GRM5: variants seen among roughly 807,000 people sequenced by gnomAD.
GRM5 encodes metabotropic glutamate receptor 5.
Under a neutral mutation model 83.1 loss-of-function variants are expected in GRM5, and 19 were observed. The observed-to-expected ratio is 0.23, with a 90% CI of 0.16 to 0.34. The LOEUF is 0.34. Ranked by LOEUF, GRM5 falls within the 10% of genes least tolerant of loss-of-function variation. The pLI, the probability that GRM5 is intolerant of heterozygous loss-of-function variation, is 1.00. For missense variants in GRM5, 1,160 were observed against 1,588.3 expected, an observed-to-expected ratio of 0.73 and a Z score of 4.58; for synonymous variants, 675 against 633.6, an observed-to-expected ratio of 1.07 and a Z score of -0.98.
intron 2 of GRM5, among the ~76,000 whole-genome samples, chr11:88,890,271 C>G (rs1349723728): frequency 6.6e-6 from 1 of 152,100 alleles, no homozygotes; most frequent in Admixed American, 6.6e-5. Flanking sequence ...GACCAAAAAT[C>G]TAGTATAAAA....
intron 7 of GRM5, among the ~76,000 whole-genome samples, chr11:88,568,265 T>C (rs182828235): frequency 1.3e-5 from 2 of 152,064 alleles, no homozygotes; most frequent in African/African-American, 4.8e-5. Context: ...TAAAAAAAAA[T>C]CAGTGGCCTT....
At chr11:89,009,033 A>C in intron 2 of GRM5, 1 of 733,896 alleles carries the variant, frequency 1.4e-6, no homozygotes, top group Non-Finnish European at 2.5e-6. Context: ...TGTTTTACAC[A>C]CCTCATAAAA....
chr11:88,997,111 G>T (rs1381582000), intron 2 of GRM5, among the ~76,000 whole-genome samples: 1 of 151,848 alleles, frequency 6.6e-6, no homozygotes, highest in African/African-American at 2.4e-5. Context: ...GATCACCTGA[G>T]GTCAGGAGTT....
intron 8 of GRM5, among the ~76,000 whole-genome samples, chr11:88,540,127 C>A (rs1207670083): frequency 6.6e-6 from 1 of 152,120 alleles, no homozygotes; most frequent in African/African-American, 2.4e-5. Flanking sequence ...CAAAACTAGC[C>A]TCCCCCTTCT....
intron 4 of GRM5, among the ~76,000 whole-genome samples, chr11:88,636,186 C>T (rs1939113849): frequency 6.6e-6 from 1 of 152,136 alleles, no homozygotes; most frequent in Non-Finnish European, 1.5e-5. Flanking sequence ...AACCTCCTTT[C>T]CTGACCACAG....
intron 2 of GRM5, among the ~76,000 whole-genome samples, chr11:89,022,942 G>C (rs990323451): frequency 2.0e-5 from 3 of 152,140 alleles, no homozygotes; most frequent in Non-Finnish European, 4.4e-5. Context: ...TGTTTAAAAT[G>C]TCTCATCCCC....
rs571280922 is a variant in GRM5, at chr11:88,574,509, C to T, written c.1691-6517G>A. Among the ~76,000 whole-genome samples the T allele has an allele frequency of 2.0e-5, 3 of 152,248 alleles. No individual in the cohort carries two copies. In the East Asian group the frequency reaches 5.8e-4, roughly 29 times the overall value. ...CGTGGGCAGGTGCAGTGGCTCATGCCTGTAATCCCAGCACTTTGGGAGGCC... is the reference window on the plus strand; with the variant it reads ...CGTGGGCAGGTGCAGTGGCTCATGCTTGTAATCCCAGCACTTTGGGAGGCC... On this transcript the variant is annotated intron_variant, in intron 7 of 9. Coordinates refer to ENST00000305447, the MANE Select transcript of GRM5 (RefSeq NM_001143831.3).
chr11:88,525,659 A>G (rs1211703890), intron 8 of GRM5, among the ~76,000 whole-genome samples: 1 of 152,228 alleles, frequency 6.6e-6, no homozygotes, highest in African/African-American at 2.4e-5. Flanking sequence ...ATTAAACTGA[A>G]TATGTCACAT....
At position 88,567,092 on chromosome 11, in the gene GRM5, T is replaced by C. The variant is rs1392431197; in HGVS notation, c.2591A>G (p.Asn864Ser). 1 of 1,613,672 alleles carries C rather than the reference T, an allele frequency of 6.2e-7. No homozygotes were observed. Among genetic ancestry groups the C allele is most frequent in the Non-Finnish European group, 8.5e-7 (1 of 1,179,806 alleles). Residue 864 changes from asparagine (N) to serine (S), a missense_variant, in exon 8 of 10, where the codon AAC becomes AGC. Asn to Ser is a conservative substitution (Grantham distance 46). This residue lies in a region of GRM5 where 562 missense variants were observed against 532.4 expected (regional missense o/e 1.06). Transcript: ENST00000305447. The surrounding 1 kb of genome is among the most constrained non-coding windows in gnomAD (Gnocchi z 7.3). ...SAASRSSSLV[N>S]LWKRRGSSGE... ...AGAGGAGCCCCTTCTCTTCCACAGG[T>C]TGACTAGGCTGCTGGATCTGCTGGC...
intron 8 of GRM5, among the ~76,000 whole-genome samples, chr11:88,543,115 T>C (rs1183829217): frequency 1.3e-5 from 2 of 151,986 alleles, no homozygotes; most frequent in African/African-American, 4.8e-5. Context: ...AAAATAAATC[T>C]CCTAGAACTA....
intron 3 of GRM5, among the ~76,000 whole-genome samples, chr11:88,691,949 C>T (rs972748012): frequency 1.3e-5 from 2 of 152,194 alleles, no homozygotes; most frequent in Non-Finnish European, 2.9e-5. Flanking sequence ...GAAATACTTG[C>T]TTAGCATGGC....
At chr11:88,676,433 A>C (rs2135339392) in intron 3 of GRM5, among the ~76,000 whole-genome samples, 1 of 152,150 alleles carries the variant, frequency 6.6e-6, no homozygotes, top group Admixed American at 6.6e-5. Context: ...ACACACTTGA[A>C]GTTCCTTGGG....
At chr11:88,652,004 G>A (rs146932420) in intron 4 of GRM5, among the ~76,000 whole-genome samples, 1 of 151,846 alleles carries the variant, frequency 6.6e-6, no homozygotes, top group African/African-American at 2.4e-5. Context: ...TTTATTGCTG[G>A]TATGTGACAA....
rs545975927 is a variant in GRM5 at position 88,792,574 on chromosome 11, T to C, written c.911+57332A>G. Among the ~76,000 whole-genome samples, 5 of 152,246 alleles carry C rather than the reference T, an allele frequency of 3.3e-5. No individual in the cohort carries two copies. The East Asian group carries it at 7.7e-4, about 24-fold the overall frequency. On this transcript the variant is annotated intron_variant, in intron 3 of 9. Coordinates refer to ENST00000305447, the MANE Select transcript of GRM5 (RefSeq NM_001143831.3). ...ACAACTAGGGGATATTTCTAGAGAT[T>C]GGTCTGATAAAGCTCCAGCTTACTT...
At chr11:88,546,741 T>C (rs1942393457) in intron 8 of GRM5, among the ~76,000 whole-genome samples, 1 of 152,072 alleles carries the variant, frequency 6.6e-6, no homozygotes, top group Non-Finnish European at 1.5e-5. Context: ...TTCATGTAAA[T>C]GAATTTCTGT....
At chr11:88,817,430 T>A (rs967316619) in intron 3 of GRM5, among the ~76,000 whole-genome samples, 13 of 152,114 alleles carry the variant, frequency 8.5e-5, no homozygotes, top group African/African-American at 3.1e-4. Flanking sequence ...TTGATACAAT[T>A]CCCAAACCCT....
At chr11:88,657,445 A>T (rs556910676) in intron 3 of GRM5, among the ~76,000 whole-genome samples, 20 of 152,312 alleles carry the variant, frequency 1.3e-4, no homozygotes, top group African/African-American at 4.6e-4. Flanking sequence ...AGGATTCTTT[A>T]TACATATGTA....
chr11:88,649,144 G>T, intron 4 of GRM5, among the ~76,000 whole-genome samples: 1 of 137,808 alleles, frequency 7.3e-6, no homozygotes, highest in African/African-American at 2.7e-5. Context: ...TGTAATATAT[G>T]TTTATTACAT....
intron 1 of GRM5, among the ~76,000 whole-genome samples, chr11:89,049,834 C>A (rs1941720672): frequency 1.3e-5 from 2 of 152,136 alleles, no homozygotes; most frequent in South Asian, 4.1e-4. Flanking sequence ...TTTTCATTGG[C>A]AAGTCATTTG....
Sources: gnomAD v4.1 joint callset for allele counts (sites outside exome capture counted in the v4.1 genomes callset) on GRCh38, gnomAD v4.1.1 for gene constraint, gnomAD v4.1.1 regional missense constraint, Gnocchi (gnomAD v3.1) non-coding constraint, MANE v1.5 for transcripts, NCBI Gene and HGNC (gene_info 2026-07-23, HGNC 2026-07-21) for gene names.